Variants in TRPM3 observed in about 807,000 individuals in gnomAD.
TRPM3 encodes the protein transient receptor potential cation channel subfamily M member 3.
In TRPM3, 77 loss-of-function variants were observed where a neutral mutation model predicts 181.2. The ratio of observed to expected loss-of-function variants is 0.42; its 90% CI spans 0.35 to 0.51. The LOEUF is 0.51. TRPM3 is among the 20% of genes least tolerant of loss of function. The probability of loss-of-function intolerance (pLI) is 0.01; values close to 1 mark genes in which losing one functional copy is unlikely to be tolerated. For synonymous variants in TRPM3, 745 were observed against 796.4 expected, an observed-to-expected ratio of 0.94 and a Z score of 1.09; for missense variants, 1,759 against 2,196.7, an observed-to-expected ratio of 0.80 and a Z score of 3.98.
At chr9:70,958,032 C>T (rs1027968035) in intron 1 of TRPM3, among the ~76,000 whole-genome samples, 3 of 152,204 alleles carry the variant, frequency 2.0e-5, no homozygotes, top group Admixed American at 2.0e-4. Flanking sequence ...GACATGGAAC[C>T]TTGCAACTTT....
At chr9:71,132,722 A>C (rs973022933) in intron 1 of TRPM3, among the ~76,000 whole-genome samples, 13 of 152,190 alleles carry the variant, frequency 8.5e-5, no homozygotes, top group African/African-American at 3.1e-4. Flanking sequence ...TCTATTATCC[A>C]TCAATAACTG....
intron 6 of TRPM3, among the ~76,000 whole-genome samples, chr9:70,812,787 C>T (rs1238159815): frequency 1.3e-5 from 2 of 151,622 alleles, no homozygotes; most frequent in Non-Finnish European, 2.9e-5. Flanking sequence ...TTATCAAACT[C>T]TAATGAAAAA....
chr9:70,546,010 C>G (rs1251069388), intron 25 of TRPM3, among the ~76,000 whole-genome samples: 1 of 152,166 alleles, frequency 6.6e-6, no homozygotes, highest in African/African-American at 2.4e-5. Context: ...CTATGCAGGC[C>G]TTGCTCATGC....
rs548227124 is a variant in TRPM3, at chr9:70,940,887, G to A, written c.178-76376C>T. Among the ~76,000 whole-genome samples, 286 of 152,304 alleles carry A rather than the reference G, an allele frequency of 1.9e-3. 1 individual carries two copies. The highest frequency in any genetic ancestry group is 6.6e-3 in the African/African-American group (275 of 41,566). ...AAGGCTAGAGTGGTTGTGTCTTCATGAGGAAAAAAACTGGCTCTGTTTTTA... is the reference window on the plus strand; with the variant it reads ...AAGGCTAGAGTGGTTGTGTCTTCATAAGGAAAAAAACTGGCTCTGTTTTTA... On this transcript the variant is annotated intron_variant, in intron 1 of 25. Coordinates refer to ENST00000677713, the MANE Select transcript of TRPM3 (RefSeq NM_001366145.2).
At chr9:70,878,506 C>T (rs200246707) in intron 1 of TRPM3, among the ~76,000 whole-genome samples, 3 of 151,956 alleles carry the variant, frequency 2.0e-5, no homozygotes, top group East Asian at 3.9e-4. Flanking sequence ...TCTGTTTTTA[C>T]GTTTATGCTG....
chr9:70,662,554 A>T (rs2061283418), intron 9 of TRPM3, among the ~76,000 whole-genome samples: 1 of 152,178 alleles, frequency 6.6e-6, no homozygotes, highest in East Asian at 1.9e-4. Flanking sequence ...GAAAAAAACA[A>T]ATAATCCCAT....
intron 9 of TRPM3, among the ~76,000 whole-genome samples, chr9:70,670,876 T>G (rs1024187076): frequency 2.6e-5 from 4 of 152,178 alleles, no homozygotes; most frequent in African/African-American, 9.7e-5. Context: ...CCTTTTCACA[T>G]GGAAGGGAAT....
chr9:71,054,877 A>C (rs1227852417), intron 1 of TRPM3, among the ~76,000 whole-genome samples: 1 of 152,130 alleles, frequency 6.6e-6, no homozygotes, highest in Non-Finnish European at 1.5e-5. Flanking sequence ...TCCATTCTAT[A>C]AAATGAAGAC....
In TRPM3 at chr9:71,128,935, C is replaced by T. The variant is rs2074210712; in HGVS notation, c.184-264424G>A. Among the ~76,000 whole-genome samples the T allele has an allele frequency of 2.0e-5, 3 of 152,224 alleles. No individual in the cohort carries two copies. The South Asian group carries it at 6.2e-4, about 32-fold the overall frequency. ...AAGCTGAGGGCCTGCCCAAGCTACA[C>T]ACCCTGCCTTGTGCATCTGGGCTTC... On this transcript the variant is annotated intron_variant, in intron 1 of 24. Coordinates refer to the TRPM3 transcript ENST00000357533.
intron 8 of TRPM3, among the ~76,000 whole-genome samples, chr9:70,742,292 C>G (rs2074291986): frequency 6.6e-6 from 1 of 151,810 alleles, no homozygotes; most frequent in African/African-American, 2.4e-5. Flanking sequence ...TTCTATATTT[C>G]TACAATGAAA....
rs964046373 is a variant in TRPM3 at position 71,170,465 on chromosome 9, C to A, written c.183+276188G>T. Among the ~76,000 whole-genome samples, 15 of 152,242 alleles carry A rather than the reference C, an allele frequency of 9.9e-5. 1 individual carries two copies. The highest frequency in any genetic ancestry group is 3.6e-4 in the African/African-American group (15 of 41,554). On this transcript the variant is annotated intron_variant, in intron 1 of 24. Transcript: ENST00000357533. ...CAAGAGTTTCCATTAAGCTTCATTT[C>A]TTTTAAAATTAGTAAAACAAACCTG...
chr9:71,089,521 T>C (rs755130938), intron 1 of TRPM3, among the ~76,000 whole-genome samples: 6 of 151,740 alleles, frequency 4.0e-5, no homozygotes, highest in Non-Finnish European at 8.8e-5. Context: ...GAGCCAGAAA[T>C]TGATTTAGAA....
At chr9:70,692,791 C>G (rs950978828) in intron 8 of TRPM3, among the ~76,000 whole-genome samples, 3 of 152,178 alleles carry the variant, frequency 2.0e-5, no homozygotes, top group African/African-American at 7.2e-5. Flanking sequence ...TTGAATGCTG[C>G]ATATGGCTTA....
intron 1 of TRPM3, among the ~76,000 whole-genome samples, chr9:71,426,217 C>A (rs530797768): frequency 6.6e-6 from 1 of 151,892 alleles, no homozygotes; most frequent in Non-Finnish European, 1.5e-5. Flanking sequence ...AATAATTAAT[C>A]AGCTTTATAA....
intron 1 of TRPM3, among the ~76,000 whole-genome samples, chr9:71,060,465 T>G (rs117337788): frequency 6.6e-6 from 1 of 152,118 alleles, no homozygotes; most frequent in African/African-American, 2.4e-5. Flanking sequence ...GGAAGTTCAG[T>G]AACATGTCCG....
At position 71,345,532 on chromosome 9, in the gene TRPM3, T is replaced by C. The variant is rs1224440524; in HGVS notation, c.183+101121A>G. 3.3e-5 allele frequency among the ~76,000 whole-genome samples: 5 copies of C among 150,706 alleles called. No individual in the cohort carries two copies. In the East Asian group the frequency reaches 5.9e-4, roughly 18 times the overall value. On this transcript the variant is annotated intron_variant, in intron 1 of 24. Coordinates refer to the TRPM3 transcript ENST00000357533. ...GCATATTCTCACTCATAAGTGGGAGTTGAACATGAGAATACATGGACACAG... is the reference window on the plus strand; with the variant it reads ...GCATATTCTCACTCATAAGTGGGAGCTGAACATGAGAATACATGGACACAG...
intron 7 of TRPM3, among the ~76,000 whole-genome samples, chr9:70,771,840 C>T (rs1295879230): frequency 6.6e-6 from 1 of 152,094 alleles, no homozygotes; most frequent in Non-Finnish European, 1.5e-5. Flanking sequence ...TAGCATATAT[C>T]TTCTAAAATA....
At chr9:70,773,315 C>T (rs2080707747) in intron 7 of TRPM3, among the ~76,000 whole-genome samples, 1 of 152,144 alleles carries the variant, frequency 6.6e-6, no homozygotes, top group Admixed American at 6.5e-5. Flanking sequence ...AGCAAATTAC[C>T]TAACCTTTCT....
intron 1 of TRPM3, among the ~76,000 whole-genome samples, chr9:71,196,424 A>G (rs1331732411): frequency 2.0e-5 from 3 of 151,842 alleles, no homozygotes; most frequent in Admixed American, 6.6e-5. Flanking sequence ...AATTGTATTT[A>G]TCTATATTGT....
Sources: allele counts gnomAD v4.1 joint callset (sites outside exome capture counted in the v4.1 genomes callset), GRCh38; gene constraint gnomAD v4.1.1; transcripts MANE v1.5; gene names NCBI Gene and HGNC (gene_info 2026-07-23, HGNC 2026-07-21).